Variants in ATXN1 observed in about 807,000 individuals in gnomAD.
ATXN1 encodes ataxin 1, also known as ataxin-1.
A neutral mutation model predicts 56.4 loss-of-function variants in ATXN1; 8 were observed. That is an observed-to-expected ratio of 0.14 (90% CI 0.08 to 0.26). ATXN1 has a LOEUF of 0.26. Among genes scored for constraint, ATXN1 ranks in the 10% least tolerant of loss-of-function variants. ATXN1 has a pLI of 1.00. For synonymous variants in ATXN1, 514 were observed against 494.6 expected (o/e 1.04, Z -0.52); for missense variants, 987 against 1,106.5 (o/e 0.89, Z 1.53).
At chr6:16,348,798 C>G (rs1316165215) in intron 6 of ATXN1, among the ~76,000 whole-genome samples, 1 of 152,076 alleles carries the variant, frequency 6.6e-6, no homozygotes, top group Non-Finnish European at 1.5e-5. Context: ...GCAGTAGTGC[C>G]TCAAAAAATG....
At chr6:16,732,739 T>G (rs1234016753) in intron 2 of ATXN1, among the ~76,000 whole-genome samples, 2 of 152,248 alleles carry the variant, frequency 1.3e-5, no homozygotes, top group African/African-American at 4.8e-5. Flanking sequence ...TATGTAAATA[T>G]GTGCAAAGAC....
intron 5 of ATXN1, among the ~76,000 whole-genome samples, chr6:16,496,042 T>C (rs1337936356): frequency 8.5e-5 from 13 of 152,216 alleles, no homozygotes; most frequent in Non-Finnish European, 7.3e-5. Context: ...ACTCATTTTC[T>C]TTTTGGTCTA....
intron 6 of ATXN1, among the ~76,000 whole-genome samples, chr6:16,448,504 T>C (rs762505174): frequency 1.3e-5 from 2 of 152,250 alleles, no homozygotes; most frequent in Non-Finnish European, 1.5e-5. Flanking sequence ...ATATGTACTA[T>C]TGAATCCTAA....
At chr6:16,325,278 C>T (rs559042927) in intron 7 of ATXN1, among the ~76,000 whole-genome samples, 171 of 152,086 alleles carry the variant, frequency 1.1e-3, no homozygotes, top group Non-Finnish European at 1.8e-3. Context: ...CCACCATGCC[C>T]GGCTAATTTT....
At chr6:16,589,723 A>G (rs1284563764) in intron 3 of ATXN1, among the ~76,000 whole-genome samples, 1 of 152,222 alleles carries the variant, frequency 6.6e-6, no homozygotes, top group East Asian at 1.9e-4. Context: ...CACTATCAGT[A>G]TTGTTAGGGC....
intron 6 of ATXN1, among the ~76,000 whole-genome samples, chr6:16,351,666 G>A (rs1761570451): frequency 6.6e-6 from 1 of 152,178 alleles, no homozygotes; most frequent in African/African-American, 2.4e-5. Context: ...GCCTCCCAAA[G>A]TGTTGGGATA....
chr6:16,353,965 T>C (rs1470963926), intron 6 of ATXN1, among the ~76,000 whole-genome samples: 2 of 152,178 alleles, frequency 1.3e-5, no homozygotes, highest in African/African-American at 4.8e-5. Flanking sequence ...GTGATTCTGA[T>C]TGGCAGCTAG....
chr6:16,322,441 A>G (rs1292271879), intron 7 of ATXN1, among the ~76,000 whole-genome samples: 1 of 152,076 alleles, frequency 6.6e-6, no homozygotes, highest in Non-Finnish European at 1.5e-5. Flanking sequence ...CATCCTCAAG[A>G]GTCTGTTCAT....
rs146578099 is a variant in ATXN1 at position 16,652,382 on chromosome 6, C to A, written c.-489+5394G>T. Among the ~76,000 whole-genome samples, 641 of 152,194 alleles carry A rather than the reference C, an allele frequency of 4.2e-3. 5 individuals carry two copies. Among genetic ancestry groups the A allele is most frequent in the Middle Eastern group, 6.8e-3 (2 of 294 alleles). On this transcript the variant is annotated intron_variant, in intron 3 of 7. Transcript: ENST00000436367. Reference sequence around the variant, plus strand: ...CCTCTCAAGGATGCCTCACGGTAAACGATACAAGTGACACAGTTTCTAACT... The same window carrying A: ...CCTCTCAAGGATGCCTCACGGTAAAAGATACAAGTGACACAGTTTCTAACT...
intron 6 of ATXN1, among the ~76,000 whole-genome samples, chr6:16,470,995 G>A (rs1415680136): frequency 1.3e-5 from 2 of 152,242 alleles, no homozygotes; most frequent in Non-Finnish European, 1.5e-5. Context: ...ATTTGGAAGA[G>A]GGGAAAGATT....
intron 2 of ATXN1, among the ~76,000 whole-genome samples, chr6:16,677,477 T>G (rs1457862933): frequency 6.6e-6 from 1 of 152,218 alleles, no homozygotes; most frequent in Admixed American, 6.5e-5. Flanking sequence ...CTCTGTGTCC[T>G]CATCATTAGG....
At chr6:16,551,586 T>C (rs1761921180) in intron 4 of ATXN1, among the ~76,000 whole-genome samples, 1 of 152,178 alleles carries the variant, frequency 6.6e-6, no homozygotes, top group Non-Finnish European at 1.5e-5. Flanking sequence ...TTTGAGTTGA[T>C]TCTGTAAAAT....
At chr6:16,333,147 C>T (rs1761030727) in intron 6 of ATXN1, among the ~76,000 whole-genome samples, 1 of 152,206 alleles carries the variant, frequency 6.6e-6, no homozygotes, top group Non-Finnish European at 1.5e-5. Flanking sequence ...TCCACTGCTT[C>T]CTCTGGGGTC....
chr6:16,488,078 G>A (rs985113393), intron 5 of ATXN1, among the ~76,000 whole-genome samples: 1 of 152,116 alleles, frequency 6.6e-6, no homozygotes, highest in Non-Finnish European at 1.5e-5. Context: ...TGACTGCTAG[G>A]CCATCAGAGC....
At chr6:16,575,576 A>G (rs1255261689) in intron 4 of ATXN1, among the ~76,000 whole-genome samples, 1 of 152,244 alleles carries the variant, frequency 6.6e-6, no homozygotes, top group African/African-American at 2.4e-5. Context: ...CTCATGTCTT[A>G]AGACAAGAAC....
chr6:16,691,676 G>C (rs182863841), intron 2 of ATXN1, among the ~76,000 whole-genome samples: 51 of 152,320 alleles, frequency 3.3e-4, no homozygotes, highest in Admixed American at 1.0e-3. Context: ...ACTCTGAACA[G>C]ATAAATAAGA....
intron 7 of ATXN1, among the ~76,000 whole-genome samples, chr6:16,310,225 C>A (rs4716060): frequency 0.42 from 63,995 of 151,928 alleles, 15,716 homozygotes; most frequent in African/African-American, 0.68. Context: ...TTGTCAATGG[C>A]GAATTCTATA....
chr6:16,371,515 T>C (rs1762041743), intron 6 of ATXN1, among the ~76,000 whole-genome samples: 1 of 151,700 alleles, frequency 6.6e-6, no homozygotes, highest in African/African-American at 2.4e-5. Context: ...AATCTGCTCT[T>C]AAAAAAAAGA....
intron 2 of ATXN1, among the ~76,000 whole-genome samples, chr6:16,717,815 C>T (rs112942106): frequency 5.3e-5 from 8 of 152,146 alleles, no homozygotes; most frequent in African/African-American, 1.9e-4. Context: ...CAGAAGGCGG[C>T]GATCGTATGC....
Sources: gnomAD v4.1 joint callset for allele counts (sites outside exome capture counted in the v4.1 genomes callset) on GRCh38, gnomAD v4.1.1 for gene constraint, MANE v1.5 for transcripts, NCBI Gene and HGNC (gene_info 2026-07-23, HGNC 2026-07-21) for gene names.